The following CLDN10 variants were observed in gnomAD, a reference collection of about 807,000 sequenced individuals.
CLDN10 encodes the protein claudin 10.
Under a neutral mutation model 22.9 loss-of-function variants are expected in CLDN10, and 15 were observed. The observed-to-expected ratio is 0.65, with a 90% CI of 0.44 to 1.01. The LOEUF (loss-of-function observed/expected upper bound fraction) is 1.01. Among genes scored for constraint, CLDN10 ranks in the 50% least tolerant of loss-of-function variants. The probability of loss-of-function intolerance (pLI) is 0.00; values close to 1 mark genes in which losing one functional copy is unlikely to be tolerated. For missense variants in CLDN10, 247 were observed against 287.8 expected, an observed-to-expected ratio of 0.86 and a Z score of 1.03; for synonymous variants, 114 against 111.4, an observed-to-expected ratio of 1.02 and a Z score of -0.15.
At chr13:95,456,489 A>C (rs932599531) in intron 1 of CLDN10, among the ~76,000 whole-genome samples, 2 of 151,932 alleles carry the variant, frequency 1.3e-5, no homozygotes, top group African/African-American at 4.8e-5. Context: ...ATGGTGACTC[A>C]CTCTTGTAAT....
At chr13:95,481,194 C>T (rs1031237096) in intron 1 of CLDN10, among the ~76,000 whole-genome samples, 3 of 152,128 alleles carry the variant, frequency 2.0e-5, no homozygotes, top group Non-Finnish European at 2.9e-5. Context: ...GAAGAGTTTC[C>T]AGGAGGACGC....
At chr13:95,529,830 A>G (rs1260014127) in intron 1 of CLDN10, among the ~76,000 whole-genome samples, 3 of 152,130 alleles carry the variant, frequency 2.0e-5, no homozygotes, top group East Asian at 3.9e-4. Context: ...TTGGGTTATC[A>G]GGACATAGCT....
intron 1 of CLDN10, among the ~76,000 whole-genome samples, chr13:95,516,167 G>A (rs1027709344): frequency 5.9e-5 from 9 of 152,036 alleles, no homozygotes; most frequent in Non-Finnish European, 1.0e-4. Flanking sequence ...GAATACAAAT[G>A]TATACAAATG....
At chr13:95,436,942 A>G (rs2042278516) in intron 1 of CLDN10, among the ~76,000 whole-genome samples, 1 of 152,240 alleles carries the variant, frequency 6.6e-6, no homozygotes, top group Admixed American at 6.5e-5. Flanking sequence ...TTAAAATAAT[A>G]AACTATTTAA....
At chr13:95,502,732 G>C (rs914481504) in intron 1 of CLDN10, among the ~76,000 whole-genome samples, 15 of 152,068 alleles carry the variant, frequency 9.9e-5, no homozygotes, top group African/African-American at 3.6e-4. Context: ...TGTTGGCCAG[G>C]CTGGTCTTGA....
At chr13:95,438,347 C>T (rs1456352038) in intron 1 of CLDN10, among the ~76,000 whole-genome samples, 1 of 152,234 alleles carries the variant, frequency 6.6e-6, no homozygotes, top group African/African-American at 2.4e-5. Context: ...TCCAGTGATC[C>T]TCCAGCCTAG....
exon 1 of CLDN10, chr13:95,433,774 G>A: frequency 6.4e-7 from 1 of 1,566,756 alleles, no homozygotes; most frequent in Non-Finnish European, 8.8e-7. Flanking sequence ...TCTATCGGCT[G>A]CATGCCTAGA....
At chr13:95,572,397 A>G (rs946222143) in intron 3 of CLDN10, among the ~76,000 whole-genome samples, 2 of 152,170 alleles carry the variant, frequency 1.3e-5, no homozygotes, top group African/African-American at 2.4e-5. Flanking sequence ...TGGGTCTACC[A>G]TTTACTTGGC....
chr13:95,542,784 G>T (rs913213951), intron 1 of CLDN10, among the ~76,000 whole-genome samples: 5 of 152,154 alleles, frequency 3.3e-5, no homozygotes, highest in African/African-American at 1.2e-4. Context: ...TCCAGCCTGG[G>T]CAACAGAGCT....
chr13:95,489,252 CT>C (rs946218660), intron 1 of CLDN10, among the ~76,000 whole-genome samples: 5 of 152,128 alleles, frequency 3.3e-5, no homozygotes, highest in African/African-American at 9.7e-5. Flanking sequence ...CCCGACCCTA[CT>C]TTTAGTTCTT....
chr13:95,504,606 C>T (rs2043019146), intron 1 of CLDN10, among the ~76,000 whole-genome samples: 1 of 152,180 alleles, frequency 6.6e-6, no homozygotes, highest in Non-Finnish European at 1.5e-5. Context: ...TCTAGAACTC[C>T]TGACCTCAGG....
At chr13:95,451,317 C>A (rs2042429900) in intron 1 of CLDN10, among the ~76,000 whole-genome samples, 1 of 152,222 alleles carries the variant, frequency 6.6e-6, no homozygotes, top group African/African-American at 2.4e-5. Context: ...TTTCATCACT[C>A]CGCATCTCTC....
In CLDN10 at chr13:95,439,478, C is replaced by T. The variant is rs137860994; in HGVS notation, c.214+5431C>T. ...CCTCCCAAGTAGCGGGGACTACAGG[C>T]ACCCACCAGCACACCCAGCTAATTT... On this transcript the variant is annotated intron_variant, in intron 1 of 4. Transcript: ENST00000376873. Among the ~76,000 whole-genome samples, 351 of 152,054 alleles carry T rather than the reference C, an allele frequency of 2.3e-3. 2 individuals are homozygous for T. The highest frequency in any genetic ancestry group is 8.2e-3 in the African/African-American group (341 of 41,480).
intron 1 of CLDN10, among the ~76,000 whole-genome samples, chr13:95,480,810 A>G (rs1395580263): frequency 2.6e-5 from 4 of 152,228 alleles, no homozygotes; most frequent in African/African-American, 7.2e-5. Flanking sequence ...AAGAGTACCA[A>G]TGAAGGCCCA....
At chr13:95,505,237 G>T (rs914092678) in intron 1 of CLDN10, among the ~76,000 whole-genome samples, 2 of 152,178 alleles carry the variant, frequency 1.3e-5, no homozygotes, top group African/African-American at 4.8e-5. Context: ...TCCACAGGGA[G>T]AAAACAAGGA....
At chr13:95,565,117 A>C (rs2043767155) in intron 3 of CLDN10, among the ~76,000 whole-genome samples, 1 of 146,800 alleles carries the variant, frequency 6.8e-6, no homozygotes, top group African/African-American at 2.5e-5. Context: ...TTAAAACAAA[A>C]ACTAACAAAT....
At chr13:95,559,304 G>A (rs753944375) in intron 1 of CLDN10, among the ~76,000 whole-genome samples, 3 of 152,220 alleles carry the variant, frequency 2.0e-5, no homozygotes, top group South Asian at 4.1e-4. Context: ...GAAGTTTACC[G>A]TGTACCCTGG....
chr13:95,450,325 TGTTA>T (rs1249584294), intron 1 of CLDN10, among the ~76,000 whole-genome samples: 1 of 152,254 alleles, frequency 6.6e-6, no homozygotes, highest in African/African-American at 2.4e-5. Context: ...GTTGTGTTTG[TGTTA>T]GCTAATCTCC....
intron 3 of CLDN10, among the ~76,000 whole-genome samples, chr13:95,565,215 G>A (rs1327728138): frequency 2.6e-5 from 4 of 151,462 alleles, no homozygotes; most frequent in South Asian, 2.1e-4. Context: ...ATTTAATTAC[G>A]TTATTCCCAC....
Sources: gnomAD v4.1 joint callset for allele counts (sites outside exome capture counted in the v4.1 genomes callset) on GRCh38, gnomAD v4.1.1 for gene constraint, MANE v1.5 for transcripts, NCBI Gene and HGNC (gene_info 2026-07-23, HGNC 2026-07-21) for gene names.